ZNF292: variants seen among roughly 807,000 people sequenced by gnomAD.
The protein encoded by ZNF292 is zinc finger protein 292.
ZNF292 carries 26 observed loss-of-function variants against 217.9 expected under a neutral mutation model. The ratio of observed to expected loss-of-function variants is 0.12; its 90% CI spans 0.09 to 0.17. The LOEUF (loss-of-function observed/expected upper bound fraction) is 0.17. Among genes scored for constraint, ZNF292 ranks in the 10% least tolerant of loss-of-function variants. ZNF292 has a pLI of 1.00. For missense variants in ZNF292, 2,904 were observed against 3,175.2 expected, an observed-to-expected ratio of 0.91 and a Z score of 2.05; for synonymous variants, 1,257 against 1,124.1, an observed-to-expected ratio of 1.12 and a Z score of -2.37.
At position 87,257,484 on chromosome 6, in the gene ZNF292, T is replaced by G. The variant is rs377583768; in HGVS notation, c.3855T>G (p.Ser1285=). The change falls in exon 8 of 8, where the codon TCT becomes TCG. Residue 1285 remains serine, a synonymous_variant. Transcript: ENST00000369577. ...CACCAGCAGATAGTGGGACTAATTCTGTTTTTTCCCAACTGGAAAATAATA... is the reference window on the plus strand; with the variant it reads ...CACCAGCAGATAGTGGGACTAATTCGGTTTTTTCCCAACTGGAAAATAATA... ...FPSPADSGTN[S]VFSQLENNTN... The G allele has an allele frequency of 3.7e-6, 6 of 1,612,480 alleles. No individual in the cohort carries two copies. Among genetic ancestry groups the G allele is most frequent in the Non-Finnish European group, 5.1e-6 (6 of 1,179,312 alleles).
chr6:87,246,877 G>A (rs1381414533), intron 7 of ZNF292, among the ~76,000 whole-genome samples: 2 of 151,276 alleles, frequency 1.3e-5, no homozygotes, highest in East Asian at 4.0e-4. Flanking sequence ...CAGGCCGGAC[G>A]GACATGGTGG....
intron 1 of ZNF292, among the ~76,000 whole-genome samples, chr6:87,202,489 C>G (rs1772125687): frequency 6.6e-6 from 1 of 152,170 alleles, no homozygotes; most frequent in Non-Finnish European, 1.5e-5. Flanking sequence ...GTTCTTACTG[C>G]TTTTATTTCT....
chr6:87,259,644 G>A lies in ZNF292; in HGVS notation c.6015G>A (p.Val2005=), dbSNP rs750335835. 1.1e-5 allele frequency: 17 copies of A among 1,585,868 alleles called. No individual in the cohort carries two copies. Among genetic ancestry groups the A allele is most frequent in the Non-Finnish European group, 1.4e-5 (16 of 1,165,676 alleles). The change falls in exon 8 of 8, where the codon GTG becomes GTA. Residue 2005 remains valine (V), a synonymous_variant. Coordinates refer to ENST00000369577, the MANE Select transcript of ZNF292 (RefSeq NM_015021.3). ...TGCCGGCCTCACGAAGTACACAAGT[G>A]AAAAAACAGCTAGCTATGACAGAGG... ...ENVPASRSTQ[V]KKQLAMTEEN... is the part of the protein sequence containing the mutation.
intron 1 of ZNF292, among the ~76,000 whole-genome samples, chr6:87,188,492 C>T (rs1297448565): frequency 6.6e-6 from 1 of 152,068 alleles, no homozygotes; most frequent in African/African-American, 2.4e-5. Context: ...TTCTAAGCTT[C>T]CAGAACTATA....
In ZNF292 at chr6:87,265,141, C is replaced by CT. The variant is rs1562201332; in HGVS notation, c.*3341dup. ...TCTTTGTTTTTTTTGGAGACAGAGT[C>CT]TCGCTCTGTTGCCCAGGCTGGAGTG... On this transcript the variant is annotated 3_prime_UTR_variant, in exon 8 of 8. Coordinates refer to ENST00000369577, the MANE Select transcript of ZNF292 (RefSeq NM_015021.3). Among the ~76,000 whole-genome samples, 6 of 151,968 alleles carry CT rather than the reference C, an allele frequency of 3.9e-5. No homozygotes were observed. The highest frequency in any genetic ancestry group is 7.4e-5 in the Non-Finnish European group (5 of 68,004).
chr6:87,221,744 C>T (rs960517706), intron 4 of ZNF292, among the ~76,000 whole-genome samples: 1 of 152,106 alleles, frequency 6.6e-6, no homozygotes, highest in Admixed American at 6.5e-5. Context: ...TATAAATCTA[C>T]AATCGTGATT....
At chr6:87,217,465 T>C (rs1244858412) in intron 3 of ZNF292, among the ~76,000 whole-genome samples, 1 of 152,104 alleles carries the variant, frequency 6.6e-6, no homozygotes, top group Non-Finnish European at 1.5e-5. Context: ...GTAACTTGTA[T>C]CTTAGGTTTT....
Position 87,242,296 on chromosome 6 carries a change from C to T in ZNF292, c.742-1179C>T, listed in dbSNP as rs181427487. Reference sequence around the variant, plus strand: ...AACTCTTCCACTAACTTCATAATTCCTGTGGGTAATCATTTATGTTGAACA... The same window carrying T: ...AACTCTTCCACTAACTTCATAATTCTTGTGGGTAATCATTTATGTTGAACA... On this transcript the variant is annotated intron_variant, in intron 5 of 7. Coordinates refer to ENST00000369577, the MANE Select transcript of ZNF292 (RefSeq NM_015021.3). Among the ~76,000 whole-genome samples the T allele has an allele frequency of 3.3e-3, 497 of 152,248 alleles. 2 individuals carry two copies. Among genetic ancestry groups the T allele is most frequent in the African/African-American group, 0.012 (479 of 41,540 alleles).
intron 5 of ZNF292, among the ~76,000 whole-genome samples, chr6:87,243,267 G>A (rs1774395869): frequency 6.9e-6 from 1 of 144,394 alleles, no homozygotes; most frequent in South Asian, 2.2e-4. Context: ...ATTTCTACTG[G>A]CTATAAAGAA....
chr6:87,239,255 G>C (rs1446056697), intron 5 of ZNF292, among the ~76,000 whole-genome samples: 1 of 152,106 alleles, frequency 6.6e-6, no homozygotes, highest in East Asian at 1.9e-4. Context: ...AGAAGGGGCG[G>C]CCGGGCAAAG....
chr6:87,176,814 G>T (rs1319025654), intron 1 of ZNF292, among the ~76,000 whole-genome samples: 1 of 152,098 alleles, frequency 6.6e-6, no homozygotes, highest in Non-Finnish European at 1.5e-5. Context: ...GGATTTCCAG[G>T]TGTCCATTAT....
At chr6:87,218,878 C>T (rs1772926853) in intron 4 of ZNF292, 147 bp downstream of exon 4, 4 of 776,406 alleles carry the variant, frequency 5.2e-6, no homozygotes, top group Admixed American at 7.8e-5. Flanking sequence ...AGGCCCTGCG[C>T]CTTTATTTTA....
chr6:87,164,804 A>C (rs1360715765), intron 1 of ZNF292, among the ~76,000 whole-genome samples: 2 of 132,942 alleles, frequency 1.5e-5, no homozygotes, highest in East Asian at 4.3e-4. Flanking sequence ...GCTCTGTCGC[A>C]CAGGCTGGAG....
rs757854032 is a variant in ZNF292, at chr6:87,245,539, A to G, written c.915A>G (p.Arg305=). 2.5e-5 allele frequency: 39 copies of G among 1,547,976 alleles called. No individual in the cohort carries two copies. The highest frequency in any genetic ancestry group is 3.4e-5 in the Non-Finnish European group (39 of 1,148,744). ...TCTTTTGGAGTAAATTACAACAAAG[A>G]GTAGAACCATCTATACAAGTGTACC... is the stretch of plus-strand genomic sequence containing the variant. ...LTLFWSKLQQ[R]VEPSIQVYLE... Residue 305 remains arginine, a synonymous_variant, in exon 7 of 8, where the codon AGA becomes AGG. Coordinates refer to ENST00000369577, the MANE Select transcript of ZNF292 (RefSeq NM_015021.3).
rs367813292 is a variant in ZNF292 at position 87,256,408 on chromosome 6, A to G, written c.2779A>G (p.Thr927Ala). 1.2e-6 allele frequency: 2 copies of G among 1,607,122 alleles called. No homozygotes were observed. The highest frequency in any genetic ancestry group is 2.7e-5 in the African/African-American group (2 of 74,814). ...AAATGGTTTGGAAAACCCTGCTACT[A>G]CTCCTCTACTTCAATCCAGTGAAGT... ...LSNGLENPAT[T>A]PLLQSSEVAV... Residue 927 changes from threonine to alanine, a missense_variant, in exon 8 of 8, where the codon ACT becomes GCT. Around this residue, in one of 15 missense-constraint regions of ZNF292, gnomAD observed 687 missense variants for 623.0 expected, o/e 1.10. Transcript: ENST00000369577.
chr6:87,208,467 T>G (rs1036029147), intron 1 of ZNF292, among the ~76,000 whole-genome samples: 1 of 152,178 alleles, frequency 6.6e-6, no homozygotes, highest in Non-Finnish European at 1.5e-5. Flanking sequence ...CTTTTTTCCC[T>G]TAACTATTTC....
chr6:87,214,488 G>T (rs901443252), intron 1 of ZNF292, among the ~76,000 whole-genome samples: 10 of 152,052 alleles, frequency 6.6e-5, no homozygotes, highest in African/African-American at 1.9e-4. Context: ...TTTGTTTCAG[G>T]GTTCATCTGG....
rs143830227 is a variant in ZNF292, at chr6:87,253,879, C to T, written c.1021-771C>T. 4.8e-3 allele frequency among the ~76,000 whole-genome samples: 737 copies of T among 152,260 alleles called. 2 individuals carry two copies. The highest frequency in any genetic ancestry group is 0.016 in the African/African-American group (648 of 41,560). ...CATTGTTCCCTTCTGGTCTTTAAAA[C>T]CCATTTTTATCTCTTTACTCCATGT... On this transcript the variant is annotated intron_variant, in intron 7 of 7. Coordinates refer to ENST00000369577, the MANE Select transcript of ZNF292 (RefSeq NM_015021.3).
chr6:87,162,947 A>G (rs1251630297), intron 1 of ZNF292, among the ~76,000 whole-genome samples: 1 of 152,182 alleles, frequency 6.6e-6, no homozygotes, highest in Non-Finnish European at 1.5e-5. Context: ...TTTCATTAAT[A>G]TGTTTGTCAG....
Sources: allele counts gnomAD v4.1 joint callset (sites outside exome capture counted in the v4.1 genomes callset), GRCh38; gene constraint gnomAD v4.1.1; regional missense constraint gnomAD v4.1.1; transcripts MANE v1.5; gene names NCBI Gene and HGNC (gene_info 2026-07-23, HGNC 2026-07-21).